Variants in PTPRQ observed in about 807,000 individuals in gnomAD.
PTPRQ encodes protein tyrosine phosphatase receptor type Q.
In PTPRQ, 199 loss-of-function variants were observed where a neutral mutation model predicts 246.0. That is an observed-to-expected ratio of 0.81 (90% confidence interval 0.72 to 0.91). The LOEUF (loss-of-function observed/expected upper bound fraction) is 0.91. Among genes scored for constraint, PTPRQ ranks in the 40% least tolerant of loss-of-function variants. PTPRQ has a pLI of 0.00. For missense variants in PTPRQ, 2,624 were observed against 2,528.4 expected (o/e 1.04, Z -0.81); for synonymous variants, 869 against 853.2 (o/e 1.02, Z -0.32).
intron 42 of PTPRQ, 107 bp downstream of exon 42, chr12:80,670,599 C>A: frequency 7.3e-7 from 1 of 1,373,368 alleles, no homozygotes; most frequent in Non-Finnish European, 9.5e-7. Flanking sequence ...TCCAGCTTGC[C>A]GTCTTCAGAG....
intron 35 of PTPRQ, among the ~76,000 whole-genome samples, chr12:80,642,777 G>A (rs953052013): frequency 6.6e-6 from 1 of 150,566 alleles, no homozygotes; most frequent in East Asian, 2.0e-4. Context: ...AAAATTAGCC[G>A]GGCGTAGTGG....
chr12:80,634,732 T>A, intron 34 of PTPRQ: 1 of 574,122 alleles, frequency 1.7e-6, no homozygotes, highest in Non-Finnish European at 2.6e-6. Context: ...TTCATCCCAA[T>A]AACTTATTAG....
intron 39 of PTPRQ, among the ~76,000 whole-genome samples, chr12:80,667,026 GA>G (rs1900806913): frequency 6.6e-6 from 1 of 151,938 alleles, no homozygotes; most frequent in Non-Finnish European, 1.5e-5. Flanking sequence ...ACCTTTCAGT[GA>G]CTTTCTGTGT....
intron 17 of PTPRQ, among the ~76,000 whole-genome samples, chr12:80,528,030 G>C (rs551005289): frequency 6.6e-6 from 1 of 152,136 alleles, no homozygotes; most frequent in Admixed American, 6.5e-5. Flanking sequence ...CATCGACGCT[G>C]CAGTGAGTTG....
intron 35 of PTPRQ, among the ~76,000 whole-genome samples, chr12:80,646,406 A>T (rs1010985983): frequency 3.9e-5 from 6 of 152,210 alleles, no homozygotes; most frequent in Admixed American, 2.6e-4. Flanking sequence ...ATATCCACCC[A>T]AACCCATTAT....
chr12:80,641,209 A>C (rs776999045), intron 35 of PTPRQ, among the ~76,000 whole-genome samples: 1 of 152,208 alleles, frequency 6.6e-6, no homozygotes, highest in Non-Finnish European at 1.5e-5. Flanking sequence ...ATCCTGGCAC[A>C]AACATTTTTT....
intron 3 of PTPRQ, among the ~76,000 whole-genome samples, chr12:80,446,121 C>G (rs558678923): frequency 1.3e-5 from 2 of 151,744 alleles, no homozygotes; most frequent in East Asian, 3.9e-4. Context: ...AATTGACTTG[C>G]AAACTTTATT....
chr12:80,576,847 A>G (rs894905471), intron 25 of PTPRQ, among the ~76,000 whole-genome samples: 3 of 152,306 alleles, frequency 2.0e-5, no homozygotes, highest in Admixed American at 2.0e-4. Flanking sequence ...CTCTCCTGTG[A>G]TAACTCTGTT....
chr12:80,582,198 A>G (rs1045564132), intron 25 of PTPRQ, among the ~76,000 whole-genome samples: 1 of 152,156 alleles, frequency 6.6e-6, no homozygotes, highest in Non-Finnish European at 1.5e-5. Flanking sequence ...TACTCCATAC[A>G]ACTCCAAACA....
At chr12:80,453,222 C>A (rs1283305867) in intron 3 of PTPRQ, among the ~76,000 whole-genome samples, 2 of 152,156 alleles carry the variant, frequency 1.3e-5, no homozygotes, top group Non-Finnish European at 2.9e-5. Flanking sequence ...TCCATCAGCT[C>A]CTTTAAGCAC....
At chr12:80,488,442 G>A (rs79202662) in intron 9 of PTPRQ, among the ~76,000 whole-genome samples, 41 of 152,128 alleles carry the variant, frequency 2.7e-4, no homozygotes, top group Non-Finnish European at 4.1e-4. Context: ...AACAGATGAC[G>A]AAGGTATATA....
intron 35 of PTPRQ, among the ~76,000 whole-genome samples, chr12:80,644,335 T>C (rs1899992591): frequency 6.6e-6 from 1 of 152,178 alleles, no homozygotes; most frequent in South Asian, 2.1e-4. Context: ...TATTGGAAAT[T>C]AGTCAGTTAT....
At chr12:80,582,402 T>C (rs371003348) in intron 25 of PTPRQ, among the ~76,000 whole-genome samples, 4 of 152,226 alleles carry the variant, frequency 2.6e-5, no homozygotes, top group African/African-American at 9.6e-5. Flanking sequence ...CCCCCTAGAA[T>C]CATATGTTGT....
At chr12:80,493,149 C>A in intron 9 of PTPRQ, 126 bp from the exon 10 acceptor site, 1 of 1,091,120 alleles carries the variant, frequency 9.2e-7, no homozygotes, top group Non-Finnish European at 1.2e-6. Flanking sequence ...AGACAGTGGT[C>A]ATGGAAATAT....
rs189035766 is a variant in PTPRQ, at chr12:80,502,822, C to T, written c.2273-3202C>T. 1.7e-4 allele frequency among the ~76,000 whole-genome samples: 26 copies of T among 151,534 alleles called. No homozygotes were observed. In the East Asian group the frequency reaches 3.7e-3, roughly 22 times the overall value. ...TGTTGCCATGAAAGCCAATGAGGTA[C>T]GGTGGGGTAAAGTAAGGTGGGGGAA... On this transcript the variant is annotated intron_variant, in intron 14 of 44. Transcript: ENST00000644991.
chr12:80,529,239 TAAAG>T (rs1024988570), intron 17 of PTPRQ, among the ~76,000 whole-genome samples: 10 of 152,156 alleles, frequency 6.6e-5, no homozygotes, highest in African/African-American at 2.4e-4. Context: ...AATAATCTAA[TAAAG>T]AGTCAAGTAA....
In PTPRQ at chr12:80,622,186, G is replaced by C. The variant is rs1899020249; in HGVS notation, c.5686+52G>C. On this transcript the variant is annotated intron_variant, in intron 33 of 44. Transcript: ENST00000644991. ...AATCTCAACATATTTATCAAAGTTG[G>C]AACATTTATTAGTAAATGTATTAAT... 3 of 1,250,778 alleles carry C rather than the reference G, an allele frequency of 2.4e-6. No individual in the cohort carries two copies. The Admixed American group carries it at 1.1e-4, about 48-fold the overall frequency. 77.5% of individuals were successfully genotyped at this position (1,250,778 alleles called of 1,614,324 possible). A position where few individuals can be genotyped will look rare whatever the true frequency, so the allele number is the denominator to read the frequency against.
chr12:80,551,914 T>C (rs1231579890), intron 25 of PTPRQ, among the ~76,000 whole-genome samples: 1 of 152,064 alleles, frequency 6.6e-6, no homozygotes, highest in African/African-American at 2.4e-5. Flanking sequence ...TTTTTCATCA[T>C]CAGATTGCTT....
intron 19 of PTPRQ, among the ~76,000 whole-genome samples, 189 bp downstream of exon 19, chr12:80,535,226 GACACAC>G (rs5799482): frequency 7.9e-5 from 12 of 151,122 alleles, no homozygotes; most frequent in South Asian, 6.3e-4. Flanking sequence ...TCTCTTTACA[GACACAC>G]ACACACACAC....
Sources: gnomAD v4.1 joint callset for allele counts (sites outside exome capture counted in the v4.1 genomes callset) on GRCh38, gnomAD v4.1.1 for gene constraint, MANE v1.5 for transcripts, NCBI Gene and HGNC (gene_info 2026-07-23, HGNC 2026-07-21) for gene names.